Variants in LSM7 observed in about 807,000 individuals in gnomAD.
LSM7 encodes the protein U6 snRNA-associated Sm-like protein LSm7.
Under a neutral mutation model 14.1 loss-of-function variants are expected in LSM7, and 13 were observed. The ratio of observed to expected loss-of-function variants is 0.92; its 90% CI spans 0.60 to 1.47. The LOEUF (loss-of-function observed/expected upper bound fraction) is 1.47, where lower values mean the gene tolerates loss of function less well. LSM7 is among the 40% of genes most tolerant of loss of function. The probability of loss-of-function intolerance (pLI) is 0.00; values close to 1 mark genes in which losing one functional copy is unlikely to be tolerated. For missense variants in LSM7, 108 were observed against 140.8 expected (o/e 0.77, Z 1.18); for synonymous variants, 70 against 57.1 (o/e 1.23, Z -1.02).
In LSM7 at chr19:2,321,586, T is replaced by C. The variant is rs1967933850; in HGVS notation, c.*94A>G. 1 of 1,242,508 alleles carries C rather than the reference T, an allele frequency of 8.0e-7. No homozygotes were observed. The highest frequency in any genetic ancestry group is 2.3e-5 in the South Asian group (1 of 42,808). 77.0% of individuals were successfully genotyped at this position (1,242,508 alleles called of 1,614,324 possible). On this transcript the variant is annotated 3_prime_UTR_variant, in exon 4 of 4. Coordinates refer to ENST00000252622, the MANE Select transcript of LSM7 (RefSeq NM_016199.3). The surrounding 1 kb of genome is among the most constrained non-coding windows in gnomAD (Gnocchi z 5.0). ...TATACAAAAAGGAAAATGCTTCCGT[T>C]CCAGGAGGCGGTACTGCGGTGGGAG...
At chr19:2,323,120 G>A (rs1384077758) in intron 3 of LSM7, among the ~76,000 whole-genome samples, 1 of 152,180 alleles carries the variant, frequency 6.6e-6, no homozygotes, top group Non-Finnish European at 1.5e-5. Context: ...ATGGGGACTT[G>A]CCAGCTGGGG....
At chr19:2,324,717 A>AGCG (rs1967987893) in intron 2 of LSM7, 1 of 162,634 alleles carries the variant, frequency 6.1e-6, no homozygotes. Flanking sequence ...CGCAGGCCAC[A>AGCG]GCGCGGATGC....
intron 2 of LSM7, chr19:2,327,827 CG>C (rs1407619976): frequency 6.6e-6 from 1 of 152,630 alleles, no homozygotes; most frequent in Non-Finnish European, 1.5e-5. Context: ...GAATAAGTGA[CG>C]TGTTGTCTGA....
intron 3 of LSM7, among the ~76,000 whole-genome samples, chr19:2,322,555 T>TA (rs1223110682): frequency 6.6e-6 from 1 of 151,620 alleles, no homozygotes; most frequent in Admixed American, 6.6e-5. Context: ...AATAAAAAAA[T>TA]AAAGAGGCTG....
intron 2 of LSM7, among the ~76,000 whole-genome samples, chr19:2,326,888 T>C (rs1280527773): frequency 1.3e-5 from 2 of 152,232 alleles, no homozygotes; most frequent in Non-Finnish European, 2.9e-5. Flanking sequence ...AGTCCCGAGC[T>C]GGCAGCGTCC....
rs8106513 is a variant in LSM7, at chr19:2,322,807, C to T, written c.170-985G>A. The stretch of plus-strand genomic sequence containing the variant: ...CAGCTCACAGCCTCAACCTCCTGGG[C>T]TCAAACAATCCTCCTGCCTTAGCCT... On this transcript the variant is annotated intron_variant, in intron 3 of 3. Transcript: ENST00000252622. Among the ~76,000 whole-genome samples the T allele has an allele frequency of 6.8e-3, 1,028 of 152,222 alleles. 16 individuals are homozygous for T. The highest frequency in any genetic ancestry group is 0.023 in the African/African-American group (941 of 41,530).
intron 2 of LSM7, among the ~76,000 whole-genome samples, chr19:2,326,327 TG>T (rs1968017160): frequency 1.0e-5 from 1 of 98,830 alleles, no homozygotes. Flanking sequence ...TGTGTGTGTG[TG>T]TGTGTGTGTG....
At chr19:2,322,096 C>T (rs1013782815) in intron 3 of LSM7, among the ~76,000 whole-genome samples, 4 of 152,182 alleles carry the variant, frequency 2.6e-5, no homozygotes, top group African/African-American at 2.4e-5. Context: ...AGGTGATAGC[C>T]GGCTACCCCG....
chr19:2,326,060 A>T (rs1185242885), intron 2 of LSM7: 1 of 152,192 alleles, frequency 6.6e-6, no homozygotes, highest in Non-Finnish European at 1.5e-5. Flanking sequence ...ACGGGGAGAG[A>T]TGTGAGCACT....
intron 2 of LSM7, among the ~76,000 whole-genome samples, chr19:2,326,791 A>G (rs923498808): frequency 1.3e-5 from 2 of 152,324 alleles, no homozygotes; most frequent in Admixed American, 6.5e-5. Context: ...CTGAAAGATG[A>G]TTCTCCCACT....
chr19:2,323,478 T>C (rs1967964663), intron 3 of LSM7, among the ~76,000 whole-genome samples: 2 of 151,892 alleles, frequency 1.3e-5, no homozygotes, highest in Admixed American at 1.3e-4. Context: ...TGAGACGGAG[T>C]CTCACTCTGT....
chr19:2,325,783 G>T (rs893383229), intron 2 of LSM7, among the ~76,000 whole-genome samples: 1 of 152,254 alleles, frequency 6.6e-6, no homozygotes. Context: ...TGGCTCTCCT[G>T]CTCTGCTGGC....
chr19:2,327,600 C>G (rs543159117), intron 2 of LSM7, among the ~76,000 whole-genome samples: 54 of 152,226 alleles, frequency 3.5e-4, no homozygotes, highest in African/African-American at 1.3e-3. Context: ...TGCAGTGGTG[C>G]GGTCATAGCT....
chr19:2,324,567 A>G (rs1264895830), intron 2 of LSM7: 1 of 249,342 alleles, frequency 4.0e-6, no homozygotes. Context: ...TAATTTCCAC[A>G]TCGTGAGACA....
Position 2,321,579 on chromosome 19 carries a change from CT to C in LSM7, c.*100del. The stretch of plus-strand genomic sequence containing the variant: ...TTCAACCTATACAAAAAGGAAAATG[CT>C]TCCGTTCCAGGAGGCGGTACTGCGG... On this transcript the variant is annotated 3_prime_UTR_variant, in exon 4 of 4. Coordinates refer to ENST00000252622, the MANE Select transcript of LSM7 (RefSeq NM_016199.3). This position sits in a 1 kb window ranked among gnomAD's most constrained non-coding sequence, Gnocchi z 5.0. 8.2e-7 allele frequency: 1 copy of C among 1,222,208 alleles called. No homozygotes were observed. The highest frequency in any genetic ancestry group is 1.0e-6 in the Non-Finnish European group (1 of 954,642). The allele number at this position is 1,222,208 out of a possible 1,614,324, so 75.7% of individuals were successfully genotyped here.
At chr19:2,322,510 C>T (rs548228964) in intron 3 of LSM7, among the ~76,000 whole-genome samples, 1 of 152,276 alleles carries the variant, frequency 6.6e-6, no homozygotes, top group Non-Finnish European at 1.5e-5. Flanking sequence ...CACTGCACTC[C>T]AGCCTGGGTG....
intron 3 of LSM7, among the ~76,000 whole-genome samples, chr19:2,323,150 G>C (rs945953144): frequency 8.5e-5 from 13 of 152,322 alleles, no homozygotes; most frequent in Non-Finnish European, 1.6e-4. Context: ...AGGAGCTTCT[G>C]GGGGAGAGTC....
intron 3 of LSM7, among the ~76,000 whole-genome samples, chr19:2,322,401 C>T (rs1446746568): frequency 2.0e-5 from 3 of 152,120 alleles, no homozygotes; most frequent in African/African-American, 2.4e-5. Context: ...ATTAGCCGGG[C>T]GTGGTGGCAG....
At chr19:2,323,599 C>A (rs538085468) in intron 3 of LSM7, among the ~76,000 whole-genome samples, 102 of 152,234 alleles carry the variant, frequency 6.7e-4, no homozygotes, top group South Asian at 1.5e-3. Context: ...TACAGGCATG[C>A]GCCACCACAC....
Sources: allele counts gnomAD v4.1 joint callset (sites outside exome capture counted in the v4.1 genomes callset), GRCh38; gene constraint gnomAD v4.1.1; non-coding constraint Gnocchi (gnomAD v3.1); transcripts MANE v1.5; gene names NCBI Gene and HGNC (gene_info 2026-07-23, HGNC 2026-07-21).